The following ADCY7 variants were observed in gnomAD, a reference collection of about 807,000 sequenced individuals.
ADCY7 encodes adenylate cyclase 7, also known as adenylate cyclase type 7.
In ADCY7, 72 loss-of-function variants were observed where a neutral mutation model predicts 120.6. That is an observed-to-expected ratio of 0.60 (90% CI 0.49 to 0.73). The LOEUF (loss-of-function observed/expected upper bound fraction) is 0.73, where lower values mean the gene tolerates loss of function less well. Ranked by LOEUF, ADCY7 falls within the 30% of genes least tolerant of loss-of-function variation. The pLI, the probability that ADCY7 is intolerant of heterozygous loss-of-function variation, is 0.00. For synonymous variants in ADCY7, 661 were observed against 628.0 expected (o/e 1.05, Z -0.78); for missense variants, 1,227 against 1,486.0 (o/e 0.83, Z 2.87).
chr16:50,304,377 G>A lies in ADCY7; in HGVS notation c.1386G>A (p.Pro462=), dbSNP rs749429980. ...GCCCGCAGAGCCAGCAGCCACCCCC[G>A]CCCAGCCAACACCTCCCCAGGCCCA... is the stretch of plus-strand genomic sequence containing the variant. ...VIDPRSQQPP[P]PSQHLPRPKG... is the part of the protein sequence containing the mutation. Residue 462 remains proline (P), a synonymous_variant, in exon 11 of 26, where the codon CCG becomes CCA. Coordinates refer to ENST00000673801, the MANE Select transcript of ADCY7 (RefSeq NM_001114.5). 13 of 1,536,626 alleles carry A rather than the reference G, an allele frequency of 8.5e-6. No homozygotes were observed. Among genetic ancestry groups the A allele is most frequent in the African/African-American group, 4.1e-5 (3 of 72,430 alleles).
chr16:50,314,236 C>T, intron 23 of ADCY7, 56 bp from the exon 24 acceptor site: 2 of 1,550,062 alleles, frequency 1.3e-6, no homozygotes, highest in South Asian at 1.1e-5. Flanking sequence ...CGCCAGGGCC[C>T]ACTAGGTCTG....
chr16:50,275,246 G>A (rs938105107), intron 1 of ADCY7, among the ~76,000 whole-genome samples: 1 of 152,268 alleles, frequency 6.6e-6, no homozygotes, highest in Non-Finnish European at 1.5e-5. Flanking sequence ...ACAGGCAGGT[G>A]CATGGGCTGG....
chr16:50,315,866 G>A lies in ADCY7; in HGVS notation c.*361G>A, dbSNP rs2036776231. 1 of 213,232 alleles carries A rather than the reference G, an allele frequency of 4.7e-6. No homozygotes were observed. Among genetic ancestry groups the A allele is most frequent in the Non-Finnish European group, 9.8e-6 (1 of 102,276 alleles). The allele number at this position is 213,232 out of a possible 1,614,324, so 13.2% of individuals were successfully genotyped here. On this transcript the variant is annotated 3_prime_UTR_variant, in exon 26 of 26. Transcript: ENST00000673801. Reference sequence around the variant, plus strand: ...CAGACTTCCACCTCAGTGGCCTGTGGGCACGCACAAGTGAGGTCTGTTTTT... The same window carrying A: ...CAGACTTCCACCTCAGTGGCCTGTGAGCACGCACAAGTGAGGTCTGTTTTT...
chr16:50,257,825 C>T (rs2150792849), intron 1 of ADCY7, among the ~76,000 whole-genome samples: 1 of 151,946 alleles, frequency 6.6e-6, no homozygotes, highest in Non-Finnish European at 1.5e-5. Flanking sequence ...CCACTGCAAC[C>T]TCTACCTCCC....
At chr16:50,273,579 C>T (rs1302258712) in intron 1 of ADCY7, among the ~76,000 whole-genome samples, 2 of 152,130 alleles carry the variant, frequency 1.3e-5, no homozygotes, top group East Asian at 3.9e-4. Context: ...CAGGATGGGC[C>T]CCTTTCCATG....
intron 24 of ADCY7, 165 bp downstream of exon 24, chr16:50,314,571 G>C: frequency 1.7e-6 from 1 of 596,070 alleles, no homozygotes; most frequent in Non-Finnish European, 3.0e-6. Flanking sequence ...TTTGCATATA[G>C]TTAGCATATA....
chr16:50,304,911 C>T lies in ADCY7; in HGVS notation c.1561-14C>T. 6.2e-7 allele frequency: 1 copy of T among 1,613,768 alleles called. No homozygotes were observed. The stretch of plus-strand genomic sequence containing the variant: ...CTGGGGAATGACTGTATCCTTTCCT[C>T]CCTTCCCTTTCAGAGCGTTCCCCAG... On this transcript the variant is annotated splice_polypyrimidine_tract_variant and intron_variant, in intron 11 of 25. Coordinates refer to ENST00000673801, the MANE Select transcript of ADCY7 (RefSeq NM_001114.5).
intron 1 of ADCY7, among the ~76,000 whole-genome samples, chr16:50,280,651 C>T (rs9926720): frequency 3.3e-5 from 5 of 151,966 alleles, no homozygotes; most frequent in Non-Finnish European, 5.9e-5. Flanking sequence ...TCTACCCATC[C>T]CTAGAAGTAG....
chr16:50,308,588 C>A, intron 16 of ADCY7, 79 bp from the exon 17 acceptor site: 7 of 1,558,376 alleles, frequency 4.5e-6, no homozygotes, highest in Admixed American at 1.8e-5. Context: ...CCCGAGGATA[C>A]CCCTCCCCAG....
intron 7 of ADCY7, among the ~76,000 whole-genome samples, chr16:50,295,177 TTTTG>T (rs1374750130): frequency 1.3e-5 from 2 of 151,778 alleles, no homozygotes; most frequent in African/African-American, 2.4e-5. Context: ...AACTTTTACG[TTTTG>T]TTTGTTTGTT....
intron 1 of ADCY7, among the ~76,000 whole-genome samples, chr16:50,273,343 A>G (rs1013092111): frequency 6.6e-6 from 1 of 152,132 alleles, no homozygotes; most frequent in Non-Finnish European, 1.5e-5. Context: ...GCTCCCAACC[A>G]CCATGCTTTC....
At chr16:50,247,082 T>C (rs2032613443) in intron 1 of ADCY7, among the ~76,000 whole-genome samples, 1 of 152,198 alleles carries the variant, frequency 6.6e-6, no homozygotes, top group South Asian at 2.1e-4. Context: ...AATGAATGCA[T>C]GACCAACAGG....
intron 5 of ADCY7, 126 bp downstream of exon 5, chr16:50,292,951 C>A: frequency 6.5e-6 from 8 of 1,233,894 alleles, no homozygotes; most frequent in Non-Finnish European, 8.0e-6. Flanking sequence ...GGTCTCACCT[C>A]GGTGAGTCCT....
intron 11 of ADCY7, 120 bp from the exon 12 acceptor site, chr16:50,304,805 A>G (rs2151043015): frequency 1.4e-6 from 2 of 1,391,372 alleles, no homozygotes; most frequent in Non-Finnish European, 1.0e-6. Flanking sequence ...TGTGGCTTGG[A>G]CGACCCCGAC....
chr16:50,311,389 C>T (rs2036447828), intron 19 of ADCY7, among the ~76,000 whole-genome samples: 2 of 152,132 alleles, frequency 1.3e-5, no homozygotes, highest in Admixed American at 1.3e-4. Flanking sequence ...TGCCACCCAT[C>T]CACCCCACCC....
At position 50,296,446 on chromosome 16, in the gene ADCY7, G is replaced by A. The variant is rs553581183; in HGVS notation, c.948+1695G>A. 2.0e-5 allele frequency among the ~76,000 whole-genome samples: 3 copies of A among 149,416 alleles called. No homozygotes were observed. The South Asian group carries it at 6.3e-4, about 31-fold the overall frequency. ...GTGATCTCTGCTCACTGCAAGCTCC[G>A]CCTCCCGGGTTCACACCATTCTGCC... On this transcript the variant is annotated intron_variant, in intron 7 of 25. Coordinates refer to ENST00000673801, the MANE Select transcript of ADCY7 (RefSeq NM_001114.5).
Position 50,292,817 on chromosome 16 carries a change from C to G in ADCY7, c.679C>G (p.Arg227Gly). Reference protein sequence around the residue: ...QIRRKLRIEKRQQENLLLSVL... With the variant: ...QIRRKLRIEKGQQENLLLSVL... ...CCGCCGGAAGCTGCGCATCGAGAAG[C>G]GCCAGCAGGTGGGACCCGGCCCCCA... is the stretch of plus-strand genomic sequence containing the variant. The change falls in exon 5 of 26, where the codon CGC becomes GGC. Residue 227 changes from arginine (R) to glycine (G), a missense_variant. Arg to Gly is a moderately radical substitution (Grantham distance 125). Transcript: ENST00000673801. 6.2e-7 allele frequency: 1 copy of G among 1,613,336 alleles called. No homozygotes were observed. The highest frequency in any genetic ancestry group is 8.5e-7 in the Non-Finnish European group (1 of 1,179,910).
Position 50,313,996 on chromosome 16 carries a change from C to A in ADCY7, c.2790C>A (p.Ile930=). 3.1e-6 allele frequency: 5 copies of A among 1,614,188 alleles called. No individual in the cohort carries two copies. Among genetic ancestry groups the A allele is most frequent in the Non-Finnish European group, 4.2e-6 (5 of 1,179,994 alleles). Residue 930 remains isoleucine (I), a synonymous_variant, in exon 23 of 26, where the codon ATC becomes ATA. Transcript: ENST00000673801. ...CCAAGTTCAGCGGCGTGGAGAAGAT[C>A]AAGACCATCGGCAGCACGTACATGG... ...LKPKFSGVEK[I]KTIGSTYMAA... is the part of the protein sequence containing the mutation.
intron 14 of ADCY7, among the ~76,000 whole-genome samples, 181 bp downstream of exon 14, chr16:50,306,030 T>G (rs970157072): frequency 6.6e-6 from 1 of 152,138 alleles, no homozygotes; most frequent in African/African-American, 2.4e-5. Flanking sequence ...CCAGCCTGGC[T>G]CTCTCCTGTC....
Sources: gnomAD v4.1 joint callset for allele counts (sites outside exome capture counted in the v4.1 genomes callset) on GRCh38, gnomAD v4.1.1 for gene constraint, MANE v1.5 for transcripts, NCBI Gene and HGNC (gene_info 2026-07-23, HGNC 2026-07-21) for gene names.